Variants in NEK1 observed in about 807,000 individuals in gnomAD.
NEK1 encodes the protein NIMA related kinase 1.
NEK1 carries 137 observed loss-of-function variants against 182.1 expected under a neutral mutation model. That is an observed-to-expected ratio of 0.75 (90% CI 0.65 to 0.87). The LOEUF (loss-of-function observed/expected upper bound fraction) is 0.87, where lower values mean the gene tolerates loss of function less well. Among genes scored for constraint, NEK1 ranks in the 40% least tolerant of loss-of-function variants. NEK1 has a pLI of 0.00. For synonymous variants in NEK1, 513 were observed against 492.2 expected (o/e 1.04, Z -0.56); for missense variants, 1,391 against 1,494.4 (o/e 0.93, Z 1.14).
At chr4:169,481,997 A>G (rs546174180) in intron 23 of NEK1, among the ~76,000 whole-genome samples, 19 of 152,334 alleles carry the variant, frequency 1.2e-4, no homozygotes, top group African/African-American at 4.1e-4. Context: ...GATCTTAGCT[A>G]TATCTCCTGG....
At chr4:169,407,532 G>A in intron 31 of NEK1, among the ~76,000 whole-genome samples, 1 of 152,216 alleles carries the variant, frequency 6.6e-6, no homozygotes, top group Non-Finnish European at 1.5e-5. Context: ...AGCCAACTGA[G>A]TTGAGGAAAG....
At chr4:169,579,069 T>A (rs150370021) in intron 11 of NEK1, among the ~76,000 whole-genome samples, 22 of 152,258 alleles carry the variant, frequency 1.4e-4, no homozygotes, top group African/African-American at 4.1e-4. Flanking sequence ...TAAAGATTTC[T>A]AAGAAACAAA....
chr4:169,589,017 C>T (rs1283641364), intron 7 of NEK1, among the ~76,000 whole-genome samples: 2 of 152,202 alleles, frequency 1.3e-5, no homozygotes, highest in Non-Finnish European at 2.9e-5. Flanking sequence ...ACCACTCACT[C>T]ACTCACAGAA....
chr4:169,475,598 G>A (rs1746798290), intron 26 of NEK1, among the ~76,000 whole-genome samples: 1 of 152,116 alleles, frequency 6.6e-6, no homozygotes, highest in African/African-American at 2.4e-5. Flanking sequence ...CAAAGAAGCA[G>A]AAGAATACAA....
chr4:169,577,107 T>C, intron 11 of NEK1, 28 bp from the exon 12 acceptor site: 1 of 1,611,262 alleles, frequency 6.2e-7, no homozygotes, highest in Non-Finnish European at 8.5e-7. Context: ...AAGAATTTTG[T>C]CTGCAGTTCT....
chr4:169,503,688 C>A (rs1451083519), intron 23 of NEK1, among the ~76,000 whole-genome samples: 3 of 152,120 alleles, frequency 2.0e-5, no homozygotes, highest in Admixed American at 2.0e-4. Context: ...TGAAACTAGA[C>A]TCCTATCTTT....
chr4:169,576,941 T>C lies in NEK1; in HGVS notation c.1007A>G (p.Gln336Arg). 1 of 1,604,856 alleles carries C rather than the reference T, an allele frequency of 6.2e-7. No homozygotes were observed. The highest frequency in any genetic ancestry group is 8.5e-7 in the Non-Finnish European group (1 of 1,175,450). The change falls in exon 12 of 36, where the codon CAA becomes CGA. Residue 336 changes from glutamine (Q) to arginine (R), a missense_variant. This residue lies in a region of NEK1 where 1,216 missense variants were observed against 1,277.6 expected (regional missense o/e 0.95). Transcript: ENST00000507142. ...DKKLHEKKPL[Q>R]KHKQAHQTPE... ...ACATGATCATACCTGTTTATGTTTTTGCAGTGGTTTCTTTTCGTGTAATTT... is the reference window on the plus strand; with the variant it reads ...ACATGATCATACCTGTTTATGTTTTCGCAGTGGTTTCTTTTCGTGTAATTT...
intron 29 of NEK1, among the ~76,000 whole-genome samples, chr4:169,426,689 A>C (rs1736450126): frequency 6.6e-6 from 1 of 152,240 alleles, no homozygotes; most frequent in African/African-American, 2.4e-5. Flanking sequence ...GGAGAATATA[A>C]AACAATTACA....
intron 30 of NEK1, 52 bp downstream of exon 30, chr4:169,426,094 A>G: frequency 1.5e-6 from 2 of 1,335,452 alleles, no homozygotes; most frequent in Middle Eastern, 1.8e-4. Flanking sequence ...GTTGATGTTA[A>G]TAATCATTAA....
At chr4:169,454,364 C>T (rs1003533963) in intron 27 of NEK1, among the ~76,000 whole-genome samples, 4 of 152,064 alleles carry the variant, frequency 2.6e-5, no homozygotes, top group Non-Finnish European at 4.4e-5. Flanking sequence ...TTCTGCATGG[C>T]AAAAGAAACT....
At chr4:169,485,793 G>A (rs892527679) in intron 23 of NEK1, among the ~76,000 whole-genome samples, 1 of 151,780 alleles carries the variant, frequency 6.6e-6, no homozygotes, top group African/African-American at 2.4e-5. Flanking sequence ...GGCAGGAGGA[G>A]CACTTGAGCC....
rs781238000 is a variant in NEK1, at chr4:169,507,790, T to C, written c.1836A>G (p.Lys612=). 1 of 1,611,652 alleles carries C rather than the reference T, an allele frequency of 6.2e-7. No homozygotes were observed. The highest frequency in any genetic ancestry group is 8.5e-7 in the Non-Finnish European group (1 of 1,178,408). Residue 612 remains lysine (K), a splice_region_variant and synonymous_variant, in exon 22 of 36, where the codon AAA becomes AAG. Transcript: ENST00000507142. ...CTTGTCCTTCAGAATGATTAGCTTC[T>C]TTCTACAAAATAAGTAGATAAGCAA... The part of the protein sequence containing the change: ...QIKAKLRGEK[K]EANHSEGQEG...
At chr4:169,463,461 G>T in intron 26 of NEK1, 66 bp from the exon 27 acceptor site, 1 of 1,199,836 alleles carries the variant, frequency 8.3e-7, no homozygotes, top group Non-Finnish European at 1.1e-6. Context: ...TGGTAAGGCA[G>T]ATTTTGAGTC....
intron 27 of NEK1, among the ~76,000 whole-genome samples, chr4:169,445,865 T>TATATATATATATATATATATATAC (rs569539235): frequency 9.1e-5 from 13 of 143,266 alleles, no homozygotes; most frequent in Admixed American, 4.8e-4. Flanking sequence ...TATATATATA[T>TATATATATATATATATATATATAC]ACACACACAC....
intron 29 of NEK1, among the ~76,000 whole-genome samples, 187 bp from the exon 30 acceptor site, chr4:169,426,421 C>T (rs1281718644): frequency 6.6e-6 from 1 of 152,172 alleles, no homozygotes; most frequent in Non-Finnish European, 1.5e-5. Flanking sequence ...TGTTCAAATC[C>T]TCACCAAATA....
intron 23 of NEK1, among the ~76,000 whole-genome samples, chr4:169,484,611 A>T (rs887001443): frequency 6.6e-6 from 1 of 152,198 alleles, no homozygotes; most frequent in Non-Finnish European, 1.5e-5. Flanking sequence ...GGGAAGAATG[A>T]AACAAAAAAT....
intron 23 of NEK1, among the ~76,000 whole-genome samples, chr4:169,488,279 T>C (rs1488946646): frequency 6.6e-6 from 1 of 152,244 alleles, no homozygotes; most frequent in African/African-American, 2.4e-5. Context: ...TGCCTAGATT[T>C]TCTTCTAGGA....
intron 12 of NEK1, among the ~76,000 whole-genome samples, chr4:169,572,892 A>G (rs1765093156): frequency 6.6e-6 from 1 of 152,226 alleles, no homozygotes; most frequent in Admixed American, 6.5e-5. Context: ...CCATGAGTGA[A>G]GTGGGTTCAA....
chr4:169,477,537 T>C (rs1476471085), intron 24 of NEK1, 40 bp from the exon 25 acceptor site: 2 of 1,418,012 alleles, frequency 1.4e-6, no homozygotes, highest in African/African-American at 2.9e-5. Context: ...GATAATTTTA[T>C]TTTTTTAAAT....
Sources: gnomAD v4.1 joint callset for allele counts (sites outside exome capture counted in the v4.1 genomes callset) on GRCh38, gnomAD v4.1.1 for gene constraint, gnomAD v4.1.1 regional missense constraint, MANE v1.5 for transcripts, NCBI Gene and HGNC (gene_info 2026-07-23, HGNC 2026-07-21) for gene names.